NDST1: variants seen among roughly 807,000 people sequenced by gnomAD.
NDST1 encodes N-deacetylase and N-sulfotransferase 1, also known as bifunctional heparan sulfate N-deacetylase/N-sulfotransferase 1.
In NDST1, 35 loss-of-function variants were observed where a neutral mutation model predicts 92.8. The observed-to-expected ratio is 0.38, with a 90% confidence interval of 0.29 to 0.50. The LOEUF is 0.50. Ranked by LOEUF, NDST1 falls within the 20% of genes least tolerant of loss-of-function variation. NDST1 has a pLI of 0.94. For missense variants in NDST1, 822 were observed against 1,182.7 expected, an observed-to-expected ratio of 0.69 and a Z score of 4.47; for synonymous variants, 493 against 500.3, an observed-to-expected ratio of 0.99 and a Z score of 0.19.
In NDST1 at chr5:150,553,471, C is replaced by G. The variant is rs1352937179; in HGVS notation, c.*139C>G. 2 of 1,248,250 alleles carry G rather than the reference C, an allele frequency of 1.6e-6. No individual in the cohort carries two copies. The highest frequency in any genetic ancestry group is 5.0e-5 in the East Asian group (2 of 39,816). 77.3% of individuals were successfully genotyped at this position (1,248,250 alleles called of 1,614,324 possible). A position where few individuals can be genotyped will look rare whatever the true frequency, so the allele number is the denominator to read the frequency against. On this transcript the variant is annotated 3_prime_UTR_variant, in exon 15 of 15. Coordinates refer to ENST00000261797, the MANE Select transcript of NDST1 (RefSeq NM_001543.5). The surrounding 1 kb of genome is among the most constrained non-coding windows in gnomAD (Gnocchi z 4.2). Reference sequence around the variant, plus strand: ...AATACTCTGTGGAGGTCTGGTGGGGCTGGGGGAGCACCCAGGCGGATCTGC... The same window carrying G: ...AATACTCTGTGGAGGTCTGGTGGGGGTGGGGGAGCACCCAGGCGGATCTGC...
intron 1 of NDST1, 103 bp from the exon 2 acceptor site, chr5:150,520,765 C>T (rs144298778): frequency 5.3e-5 from 21 of 396,752 alleles, no homozygotes; most frequent in East Asian, 1.8e-4. Context: ...GTTCGGCAGC[C>T]GTACTTGCAT....
intron 1 of NDST1, among the ~76,000 whole-genome samples, chr5:150,515,270 A>C (rs990316268): frequency 6.6e-6 from 1 of 152,246 alleles, no homozygotes; most frequent in African/African-American, 2.4e-5. Context: ...ATGTGTGCCC[A>C]GTGTCACCAG....
intron 3 of NDST1, 146 bp from the exon 4 acceptor site, chr5:150,532,799 T>G: frequency 1.2e-6 from 1 of 805,114 alleles, no homozygotes; most frequent in Non-Finnish European, 2.2e-6. Context: ...ACTGCTGGGA[T>G]TACAGGCATG....
At chr5:150,543,936 T>G (rs1755360718) in intron 10 of NDST1, among the ~76,000 whole-genome samples, 1 of 152,146 alleles carries the variant, frequency 6.6e-6, no homozygotes, top group Admixed American at 6.5e-5. Flanking sequence ...CCCGCCACCA[T>G]GCCTGGCTAA....
chr5:150,506,388 G>A (rs892451576), upstream of NDST1, among the ~76,000 whole-genome samples: 2 of 152,172 alleles, frequency 1.3e-5, no homozygotes, highest in Non-Finnish European at 2.9e-5. Flanking sequence ...AAAGTGTTGG[G>A]ATGACAGGCG....
At chr5:150,526,765 A>G (rs1754494838) in intron 2 of NDST1, among the ~76,000 whole-genome samples, 1 of 152,226 alleles carries the variant, frequency 6.6e-6, no homozygotes, top group African/African-American at 2.4e-5. Context: ...ACGGAATGGA[A>G]TTGGCACAGG....
chr5:150,529,689 T>C (rs1043479035), intron 3 of NDST1, among the ~76,000 whole-genome samples: 2 of 152,240 alleles, frequency 1.3e-5, no homozygotes, highest in Non-Finnish European at 2.9e-5. Flanking sequence ...CTAGAGACAT[T>C]CTGCTGCCTG....
chr5:150,529,860 G>A (rs1351284856), intron 3 of NDST1, among the ~76,000 whole-genome samples: 1 of 152,242 alleles, frequency 6.6e-6, no homozygotes, highest in Non-Finnish European at 1.5e-5. Flanking sequence ...CTGGAAGGAG[G>A]GTCCTGGTGG....
At chr5:150,508,541 C>T (rs1288114103) in intron 1 of NDST1, among the ~76,000 whole-genome samples, 2 of 152,170 alleles carry the variant, frequency 1.3e-5, no homozygotes, top group East Asian at 1.9e-4. Flanking sequence ...TCTCCTGTGG[C>T]TTCTCCAGAC....
In NDST1 at chr5:150,553,852, G is replaced by GC; in HGVS notation, c.*525dup. 2.3e-6 allele frequency: 1 copy of GC among 429,250 alleles called. No individual in the cohort carries two copies. The highest frequency in any genetic ancestry group is 4.1e-6 in the Non-Finnish European group (1 of 242,686). 26.6% of individuals were successfully genotyped at this position (429,250 alleles called of 1,614,324 possible). ...CAGTCCTAGGCTGGATGGGAGGGTGGCCCCCTCAAGAGGACTCCCAGCCTC... is the reference window on the plus strand; with the variant it reads ...CAGTCCTAGGCTGGATGGGAGGGTGGCCCCCCTCAAGAGGACTCCCAGCCTC... On this transcript the variant is annotated 3_prime_UTR_variant, in exon 15 of 15. Transcript: ENST00000261797. This position sits in a 1 kb window ranked among gnomAD's most constrained non-coding sequence, Gnocchi z 4.2.
intron 2 of NDST1, among the ~76,000 whole-genome samples, chr5:150,525,526 A>T (rs1016009216): frequency 3.3e-5 from 5 of 152,146 alleles, no homozygotes; most frequent in African/African-American, 1.2e-4. Context: ...GGAGTTGGGG[A>T]GGTAGCTGAG....
At position 150,534,851 on chromosome 5, in the gene NDST1, G is replaced by C. The variant is rs371096881; in HGVS notation, c.1097-16G>C. 6.2e-7 allele frequency: 1 copy of C among 1,614,152 alleles called. No individual in the cohort carries two copies. The highest frequency in any genetic ancestry group is 1.3e-5 in the African/African-American group (1 of 74,956). ...ATGGCCCAGTGGGTGGTTCTGAGCT[G>C]CCTGTGTTGCTGCAGGTACCAATGC... On this transcript the variant is annotated splice_polypyrimidine_tract_variant and intron_variant, in intron 4 of 14. Transcript: ENST00000261797.
chr5:150,506,383 G>C (rs1378786836), upstream of NDST1, among the ~76,000 whole-genome samples: 1 of 152,188 alleles, frequency 6.6e-6, no homozygotes, highest in Non-Finnish European at 1.5e-5. Context: ...CTCCCAAAGT[G>C]TTGGGATGAC....
At chr5:150,538,236 G>T (rs1465862183) in intron 6 of NDST1, among the ~76,000 whole-genome samples, 3 of 152,298 alleles carry the variant, frequency 2.0e-5, no homozygotes, top group African/African-American at 7.2e-5. Flanking sequence ...GTCGGGGTGG[G>T]TGATGGACCA....
intron 1 of NDST1, among the ~76,000 whole-genome samples, chr5:150,509,039 C>T (rs901432030): frequency 2.5e-4 from 38 of 152,204 alleles, no homozygotes; most frequent in African/African-American, 8.7e-4. Context: ...TTGGCTCATT[C>T]AGGGGACAAT....
upstream of NDST1, among the ~76,000 whole-genome samples, chr5:150,505,414 T>C (rs1419851227): frequency 1.3e-5 from 2 of 152,238 alleles, no homozygotes; most frequent in Non-Finnish European, 2.9e-5. Context: ...ACCAGACAGA[T>C]GCTGGTTCGA....
chr5:150,530,212 G>A (rs1175371873), intron 3 of NDST1, among the ~76,000 whole-genome samples: 4 of 152,204 alleles, frequency 2.6e-5, no homozygotes, highest in Non-Finnish European at 5.9e-5. Flanking sequence ...TTGCTCCAGC[G>A]GTGCTGCTTT....
rs139257660 is a variant in NDST1 at position 150,554,914 on chromosome 5, A to C, written c.*1582A>C. On this transcript the variant is annotated 3_prime_UTR_variant, in exon 15 of 15. Coordinates refer to ENST00000261797, the MANE Select transcript of NDST1 (RefSeq NM_001543.5). ...GGGGTGCCTCTCCCTGGCCCCCTCC[A>C]ACTGCCAAATTCTGCTTCCCTCTGA... is the stretch of plus-strand genomic sequence containing the variant. 66 of 152,858 alleles carry C rather than the reference A, an allele frequency of 4.3e-4. No homozygotes were observed. Among genetic ancestry groups the C allele is most frequent in the African/African-American group, 1.6e-3 (66 of 41,560 alleles). The allele number at this position is 152,858 out of a possible 1,614,324, so 9.5% of individuals were successfully genotyped here.
In NDST1 at chr5:150,521,316, T is replaced by A; in HGVS notation, c.62T>A (p.Phe21Tyr). The A allele has an allele frequency of 1.2e-6, 2 of 1,613,308 alleles. No homozygotes were observed. The highest frequency in any genetic ancestry group is 1.7e-6 in the Non-Finnish European group (2 of 1,179,912). The part of the protein sequence containing the change: ...CRHVSPQAVL[F>Y]LLFIFCLFSV... ...CACGTGTCCCCGCAGGCTGTCCTTT[T>A]CCTGCTGTTCATCTTCTGCCTGTTC... Residue 21 changes from phenylalanine (F) to tyrosine (Y), a missense_variant, in exon 2 of 15, where the codon TTC (phenylalanine) becomes TAC (tyrosine). Coordinates refer to ENST00000261797, the MANE Select transcript of NDST1 (RefSeq NM_001543.5). This position sits in a 1 kb window ranked among gnomAD's most constrained non-coding sequence, Gnocchi z 5.9.
Sources: allele counts gnomAD v4.1 joint callset (sites outside exome capture counted in the v4.1 genomes callset), GRCh38; gene constraint gnomAD v4.1.1; non-coding constraint Gnocchi (gnomAD v3.1); transcripts MANE v1.5; gene names NCBI Gene and HGNC (gene_info 2026-07-23, HGNC 2026-07-21).